CFAP92: variants seen among roughly 807,000 people sequenced by gnomAD.
CFAP92 encodes uncharacterized protein CFAP92.
In CFAP92, 86 loss-of-function variants were observed where a neutral mutation model predicts 106.3. That is an observed-to-expected ratio of 0.81 (90% CI 0.68 to 0.97). The LOEUF (loss-of-function observed/expected upper bound fraction) is 0.97. Ranked by LOEUF, CFAP92 falls within the 50% of genes least tolerant of loss-of-function variation. The pLI is 0.00. For missense variants in CFAP92, 1,204 were observed against 1,283.8 expected, an observed-to-expected ratio of 0.94 and a Z score of 0.95; for synonymous variants, 477 against 506.4, an observed-to-expected ratio of 0.94 and a Z score of 0.78.
chr3:128,933,886 A>C (rs1253279433), intron 11 of CFAP92, among the ~76,000 whole-genome samples: 1 of 151,964 alleles, frequency 6.6e-6, no homozygotes, highest in East Asian at 1.9e-4. Context: ...TCTCCTTCCT[A>C]TCTCTCCAGC....
chr3:128,910,089 G>A lies in CFAP92; in HGVS notation c.*210C>T, dbSNP rs766088075. On this transcript the variant is annotated 3_prime_UTR_variant, in exon 16 of 16. Coordinates refer to ENST00000645291, the MANE Select transcript of CFAP92 (RefSeq NM_001394090.1). Reference sequence around the variant, plus strand: ...TCCTCATCAACCTGTATGGCATGACGGCCGTGCTGTCGCGGGCCAGCCGCT... The same window carrying A: ...TCCTCATCAACCTGTATGGCATGACAGCCGTGCTGTCGCGGGCCAGCCGCT... 32 of 1,613,790 alleles carry A rather than the reference G, an allele frequency of 2.0e-5. No individual in the cohort carries two copies. The East Asian group carries it at 2.2e-4, about 11-fold the overall frequency.
chr3:129,002,135 C>A, intron 1 of CFAP92: 1 of 1,474,188 alleles, frequency 6.8e-7, no homozygotes, highest in East Asian at 2.7e-5. Context: ...TCAGCGAGCA[C>A]ATCGAGACGC....
intron 4 of CFAP92, among the ~76,000 whole-genome samples, chr3:128,985,022 TTC>T (rs1199641202): frequency 6.6e-6 from 1 of 152,230 alleles, no homozygotes; most frequent in Non-Finnish European, 1.5e-5. Context: ...TTTTAATTTT[TTC>T]TCTTTTTTGC....
At chr3:128,930,430 T>C (rs1264586729) in intron 12 of CFAP92, among the ~76,000 whole-genome samples, 2 of 152,022 alleles carry the variant, frequency 1.3e-5, no homozygotes, top group African/African-American at 2.4e-5. Flanking sequence ...GGATTACAGG[T>C]GTGAGTACTG....
intron 9 of CFAP92, 31 bp from the exon 10 acceptor site, chr3:128,946,006 C>A (rs1559883466): frequency 2.1e-6 from 3 of 1,398,000 alleles, no homozygotes; most frequent in Non-Finnish European, 2.8e-6. Context: ...AGCAGGTCAC[C>A]CAGCCACAAG....
upstream of CFAP92, among the ~76,000 whole-genome samples, chr3:129,005,533 A>G (rs1945035110): frequency 1.3e-5 from 2 of 152,248 alleles, no homozygotes; most frequent in South Asian, 4.1e-4. Context: ...GAGGTGACAG[A>G]AGCAGATTTC....
chr3:128,924,858 T>C (rs979136234), intron 12 of CFAP92, among the ~76,000 whole-genome samples: 4 of 152,260 alleles, frequency 2.6e-5, no homozygotes, highest in African/African-American at 9.6e-5. Flanking sequence ...CATGTGCTGA[T>C]ACACTGCTTT....
chr3:128,972,858 A>G (rs994987758), intron 7 of CFAP92, among the ~76,000 whole-genome samples: 15 of 140,158 alleles, frequency 1.1e-4, no homozygotes, highest in African/African-American at 3.7e-4. Context: ...TCAGTCCTTG[A>G]AAAAAAAAAA....
At position 128,915,386 on chromosome 3, in the gene CFAP92, T is replaced by C; in HGVS notation, c.3094A>G (p.Lys1032Glu). 6.5e-7 allele frequency: 1 copy of C among 1,535,598 alleles called. No individual in the cohort carries two copies. The highest frequency in any genetic ancestry group is 8.7e-7 in the Non-Finnish European group (1 of 1,146,436). The stretch of plus-strand genomic sequence containing the variant: ...TTCAGCTCTTTGATGGGTGGCAGCT[T>C]GAGATCCTGAAAGCTGCTTTCGGTG... ...SDTESSFQDL[K>E]LPPIKELNEE... is the part of the protein sequence containing the mutation. The change falls in exon 14 of 16, where the codon AAG becomes GAG. Residue 1032 changes from lysine (K) to glutamate (E), a missense_variant. Lys to Glu is a moderately conservative substitution (Grantham distance 56). Coordinates refer to ENST00000645291, the MANE Select transcript of CFAP92 (RefSeq NM_001394090.1).
intron 9 of CFAP92, among the ~76,000 whole-genome samples, chr3:128,959,124 C>T (rs548409521): frequency 3.9e-5 from 6 of 152,202 alleles, no homozygotes; most frequent in African/African-American, 7.2e-5. Flanking sequence ...GCAGAAGAAT[C>T]GCTTGAACCC....
chr3:128,998,452 C>T (rs1312072561), upstream of CFAP92, among the ~76,000 whole-genome samples: 2 of 152,110 alleles, frequency 1.3e-5, no homozygotes, highest in Non-Finnish European at 2.9e-5. Flanking sequence ...CCTAAAAACC[C>T]AAAAGCTTTA....
chr3:128,956,705 C>T (rs1306548860), intron 9 of CFAP92, among the ~76,000 whole-genome samples: 1 of 151,920 alleles, frequency 6.6e-6, no homozygotes, highest in Non-Finnish European at 1.5e-5. Flanking sequence ...TCCAGCCAGG[C>T]ACAGTGGCTC....
Position 128,910,149 on chromosome 3 carries a change from G to A in CFAP92, c.*150C>T, listed in dbSNP as rs2107664660. On this transcript the variant is annotated 3_prime_UTR_variant, in exon 16 of 16. Transcript: ENST00000645291. ...TTGGGCTCCGCAACCACGACCACGA[G>A]GTGAGCCCAGCCCAGCCTCACACAG... is the stretch of plus-strand genomic sequence containing the variant. The A allele has an allele frequency of 6.2e-7, 1 of 1,614,022 alleles. No individual in the cohort carries two copies. The highest frequency in any genetic ancestry group is 8.5e-7 in the Non-Finnish European group (1 of 1,180,044).
intron 9 of CFAP92, among the ~76,000 whole-genome samples, chr3:128,946,424 T>G (rs1411058859): frequency 6.6e-6 from 1 of 152,144 alleles, no homozygotes; most frequent in Non-Finnish European, 1.5e-5. Context: ...AGCTGAAAAC[T>G]GACACTCTGG....
chr3:129,007,347 G>A (rs142811499), upstream of CFAP92, among the ~76,000 whole-genome samples: 378 of 152,248 alleles, frequency 2.5e-3, 1 homozygote, highest in African/African-American at 7.9e-3. Context: ...AGGAATTACC[G>A]GGAGGAAAGG....
intron 10 of CFAP92, among the ~76,000 whole-genome samples, chr3:128,944,821 A>ACCCT: frequency 6.6e-6 from 1 of 152,196 alleles, no homozygotes; most frequent in Admixed American, 6.6e-5. Flanking sequence ...TTGGCTCAGA[A>ACCCT]CCCTGAAGAC....
At chr3:128,957,453 A>G (rs1388389873) in intron 9 of CFAP92, among the ~76,000 whole-genome samples, 6 of 152,218 alleles carry the variant, frequency 3.9e-5, no homozygotes, top group Non-Finnish European at 7.3e-5. Context: ...CGTTAAATAT[A>G]ATATCCAGAG....
chr3:128,996,581 A>C (rs1183734254), upstream of CFAP92, among the ~76,000 whole-genome samples: 1 of 152,234 alleles, frequency 6.6e-6, no homozygotes, highest in East Asian at 1.9e-4. Flanking sequence ...CAGGGCTGGC[A>C]GATCAGAAGC....
Position 128,927,778 on chromosome 3 carries a change from G to A in CFAP92, c.2751+4922C>T, listed in dbSNP as rs546200506. Among the ~76,000 whole-genome samples the A allele has an allele frequency of 2.7e-5, 4 of 149,942 alleles. No homozygotes were observed. In the South Asian group the frequency reaches 6.4e-4, roughly 24 times the overall value. On this transcript the variant is annotated intron_variant, in intron 12 of 15. Coordinates refer to ENST00000645291, the MANE Select transcript of CFAP92 (RefSeq NM_001394090.1). ...CTATATTATGGAAACAATACAAAAA[G>A]TAATTCAATTCATAACACCATTAAT...
Sources: gnomAD v4.1 joint callset for allele counts (sites outside exome capture counted in the v4.1 genomes callset) on GRCh38, gnomAD v4.1.1 for gene constraint, MANE v1.5 for transcripts, NCBI Gene and HGNC (gene_info 2026-07-23, HGNC 2026-07-21) for gene names.